ZCWPW2: variants seen among roughly 807,000 people sequenced by gnomAD.
The protein encoded by ZCWPW2 is zinc finger CW-type and PWWP domain containing 2, also known as zinc finger CW-type PWWP domain protein 2.
Under a neutral mutation model 46.6 loss-of-function variants are expected in ZCWPW2, and 45 were observed. The ratio of observed to expected loss-of-function variants is 0.96; its 90% CI spans 0.76 to 1.24. The LOEUF (loss-of-function observed/expected upper bound fraction) is 1.24, where lower values mean the gene tolerates loss of function less well. Among genes scored for constraint, ZCWPW2 ranks in the 50% most tolerant of loss-of-function variants. The pLI is 0.00. For synonymous variants in ZCWPW2, 152 were observed against 137.1 expected, an observed-to-expected ratio of 1.11 and a Z score of -0.76; for missense variants, 429 against 403.9, an observed-to-expected ratio of 1.06 and a Z score of -0.53.
chr3:28,408,562 G>T (rs1012645917), intron 2 of ZCWPW2, among the ~76,000 whole-genome samples: 1 of 152,114 alleles, frequency 6.6e-6, no homozygotes, highest in Non-Finnish European at 1.5e-5. Context: ...TTGCATAATA[G>T]TAATTGTAAA....
chr3:28,408,551 A>G (rs929271076), intron 2 of ZCWPW2, among the ~76,000 whole-genome samples: 18 of 152,204 alleles, frequency 1.2e-4, no homozygotes, highest in Non-Finnish European at 2.6e-4. Flanking sequence ...ACTCCAATAC[A>G]TTGCATAATA....
At chr3:28,507,907 T>G (rs568672528) in intron 6 of ZCWPW2, among the ~76,000 whole-genome samples, 2 of 152,170 alleles carry the variant, frequency 1.3e-5, no homozygotes, top group Non-Finnish European at 2.9e-5. Context: ...ATTTTCTGTT[T>G]GTAATTCTGT....
At chr3:28,369,656 C>A (rs993409676) in intron 1 of ZCWPW2, among the ~76,000 whole-genome samples, 1 of 152,186 alleles carries the variant, frequency 6.6e-6, no homozygotes. Context: ...CAGCTGCGTG[C>A]TGGGGGAACC....
At chr3:28,396,820 A>G (rs575385194) in intron 2 of ZCWPW2, among the ~76,000 whole-genome samples, 8 of 152,302 alleles carry the variant, frequency 5.3e-5, no homozygotes, top group African/African-American at 1.9e-4. Context: ...GTATTTATTC[A>G]TACTGTTTCA....
chr3:28,438,440 G>A (rs1171690062), intron 4 of ZCWPW2, among the ~76,000 whole-genome samples: 1 of 152,224 alleles, frequency 6.6e-6, no homozygotes, highest in Non-Finnish European at 1.5e-5. Flanking sequence ...GAAAGGTGCA[G>A]GTTCAGAAAA....
intron 1 of ZCWPW2, among the ~76,000 whole-genome samples, chr3:28,372,280 T>C (rs1705361538): frequency 6.6e-6 from 1 of 152,142 alleles, no homozygotes; most frequent in Admixed American, 6.5e-5. Context: ...AGCCATAATA[T>C]TAAAGAACCG....
intron 4 of ZCWPW2, among the ~76,000 whole-genome samples, chr3:28,446,754 AC>A (rs36005358): frequency 0.025 from 3,750 of 152,176 alleles, 143 homozygotes; most frequent in African/African-American, 0.083. Flanking sequence ...GATCAATAAA[AC>A]TGTCAAACCT....
chr3:28,408,798 C>CTGTA (rs1390184753), intron 2 of ZCWPW2, among the ~76,000 whole-genome samples: 1 of 152,136 alleles, frequency 6.6e-6, no homozygotes, highest in Admixed American at 6.5e-5. Flanking sequence ...CTTTCTAGAT[C>CTGTA]TGTACCCCAA....
In ZCWPW2 at chr3:28,512,075, A is replaced by G. The variant is rs1455386341; in HGVS notation, c.658-1989A>G. Among the ~76,000 whole-genome samples the G allele has an allele frequency of 2.6e-5, 4 of 152,016 alleles. No homozygotes were observed. The East Asian group carries it at 5.8e-4, about 22-fold the overall frequency. ...TATTGGATATTGTTTAATTGAAGATATGTTCCTGGATATTGTTTTGATATG... is the reference window on the plus strand; with the variant it reads ...TATTGGATATTGTTTAATTGAAGATGTGTTCCTGGATATTGTTTTGATATG... On this transcript the variant is annotated intron_variant, in intron 6 of 9. Coordinates refer to ENST00000383768, the MANE Select transcript of ZCWPW2 (RefSeq NM_001040432.4).
chr3:28,410,792 G>C (rs1383440190), intron 2 of ZCWPW2, among the ~76,000 whole-genome samples: 3 of 151,842 alleles, frequency 2.0e-5, no homozygotes, highest in Non-Finnish European at 4.4e-5. Flanking sequence ...AAAGAATTAA[G>C]AAAAGTGCAG....
At chr3:28,379,377 A>G (rs1471750180) in intron 1 of ZCWPW2, among the ~76,000 whole-genome samples, 1 of 152,174 alleles carries the variant, frequency 6.6e-6, no homozygotes, top group Non-Finnish European at 1.5e-5. Context: ...CATTAAAAAG[A>G]CAGCCTTAAA....
intron 1 of ZCWPW2, among the ~76,000 whole-genome samples, chr3:28,357,821 C>A (rs912974719): frequency 3.5e-4 from 48 of 136,344 alleles, no homozygotes; most frequent in African/African-American, 1.1e-3. Context: ...ATATATATAT[C>A]TCCATACATA....
In ZCWPW2 at chr3:28,348,803, G is replaced by GC. The variant is rs1476703448; in HGVS notation, c.-531dup. The GC allele has an allele frequency of 3.8e-6, 1 of 264,640 alleles. No individual in the cohort carries two copies. The highest frequency in any genetic ancestry group is 6.5e-5 in the Admixed American group (1 of 15,422). The allele number at this position is 264,640 out of a possible 1,614,324, so 16.4% of individuals were successfully genotyped here. On this transcript the variant is annotated 5_prime_UTR_variant, in exon 1 of 10. Coordinates refer to ENST00000383768, the MANE Select transcript of ZCWPW2 (RefSeq NM_001040432.4). ...TCCCATTTCTTCTGACTCGGCAGGA[G>GC]CCCGGGACGTTCTGGAAGGAGGGAC...
At chr3:28,505,969 G>C (rs577158637) in intron 6 of ZCWPW2, among the ~76,000 whole-genome samples, 3 of 151,336 alleles carry the variant, frequency 2.0e-5, no homozygotes, top group Admixed American at 2.0e-4. Context: ...AGTTTATGCA[G>C]ATTATATAAA....
chr3:28,511,030 T>A lies in ZCWPW2; in HGVS notation c.658-3034T>A, dbSNP rs1457882188. The A allele has an allele frequency of 2.6e-5, 12 of 455,430 alleles. No individual in the cohort carries two copies. In the Admixed American group the frequency reaches 2.8e-4, roughly 11 times the overall value. 28.2% of individuals were successfully genotyped at this position (455,430 alleles called of 1,614,324 possible). ...GCCTTTTCAGCTATCAAGATGAGAG[T>A]CAACGCTAAGAATCTACCCCAGATG... is the stretch of plus-strand genomic sequence containing the variant. On this transcript the variant is annotated intron_variant, in intron 6 of 9. Coordinates refer to ENST00000383768, the MANE Select transcript of ZCWPW2 (RefSeq NM_001040432.4).
rs527847947 is a variant in ZCWPW2, at chr3:28,413,717, T to G, written c.332+317T>G. ...ATTTTGAAATATTTACTGATTTTCTTTGTGATTTCCTTTTTGAAATCCGTT... is the reference window on the plus strand; with the variant it reads ...ATTTTGAAATATTTACTGATTTTCTGTGTGATTTCCTTTTTGAAATCCGTT... On this transcript the variant is annotated intron_variant, in intron 3 of 9. Transcript: ENST00000383768. Among the ~76,000 whole-genome samples, 3 of 152,124 alleles carry G rather than the reference T, an allele frequency of 2.0e-5. No individual in the cohort carries two copies. In the East Asian group the frequency reaches 5.8e-4, roughly 29 times the overall value.
intron 4 of ZCWPW2, among the ~76,000 whole-genome samples, chr3:28,439,514 T>A (rs940530303): frequency 6.6e-6 from 1 of 152,096 alleles, no homozygotes; most frequent in Non-Finnish European, 1.5e-5. Flanking sequence ...ATACTTTGTA[T>A]CCTTCAATTC....
At chr3:28,403,537 A>G (rs1414065936) in intron 2 of ZCWPW2, among the ~76,000 whole-genome samples, 2 of 152,210 alleles carry the variant, frequency 1.3e-5, no homozygotes, top group African/African-American at 4.8e-5. Flanking sequence ...CGGAATTAGA[A>G]AAAAAATTCT....
chr3:28,464,440 G>C (rs1207432873), intron 4 of ZCWPW2, among the ~76,000 whole-genome samples: 1 of 152,014 alleles, frequency 6.6e-6, no homozygotes, highest in Non-Finnish European at 1.5e-5. Flanking sequence ...AAAAGACATT[G>C]TTCCTCTCGA....
Sources: allele counts gnomAD v4.1 joint callset (sites outside exome capture counted in the v4.1 genomes callset), GRCh38; gene constraint gnomAD v4.1.1; transcripts MANE v1.5; gene names NCBI Gene and HGNC (gene_info 2026-07-23, HGNC 2026-07-21).